Variants in JPH3 observed in about 807,000 individuals in gnomAD.
JPH3 encodes the protein junctophilin-3.
JPH3 carries 11 observed loss-of-function variants against 59.6 expected under a neutral mutation model. The ratio of observed to expected loss-of-function variants is 0.18; its 90% CI spans 0.12 to 0.31. The LOEUF (loss-of-function observed/expected upper bound fraction) is 0.31, where lower values mean the gene tolerates loss of function less well. JPH3 is among the 10% of genes least tolerant of loss of function. The probability of loss-of-function intolerance (pLI) is 1.00; values close to 1 mark genes in which losing one functional copy is unlikely to be tolerated. For synonymous variants in JPH3, 673 were observed against 483.6 expected (o/e 1.39, Z -5.14); for missense variants, 1,202 against 1,105.7 (o/e 1.09, Z -1.24).
At chr16:87,660,534 G>A (rs1422419889) in intron 2 of JPH3, among the ~76,000 whole-genome samples, 1 of 152,166 alleles carries the variant, frequency 6.6e-6, no homozygotes, top group Non-Finnish European at 1.5e-5. Context: ...TCATGCTTCT[G>A]TCCTGGGATA....
chr16:87,659,807 C>G (rs1186246620), intron 2 of JPH3, among the ~76,000 whole-genome samples: 1 of 152,140 alleles, frequency 6.6e-6, no homozygotes, highest in Non-Finnish European at 1.5e-5. Context: ...GCAACCATGA[C>G]CACCATCTAT....
rs1272896720 is a variant in JPH3, at chr16:87,690,230, C to T, written c.1870C>T (p.His624Tyr). Reference protein sequence around the residue: ...EMKPLLRMETHPQKRRYSKGG... With the variant: ...EMKPLLRMETYPQKRRYSKGG... ...GAAACCCTTGCTGAGGATGGAGACG[C>T]ATCCCCAGAAAAGACGCTACAGCAA... The change falls in exon 4 of 5, where the codon CAT (histidine) becomes TAT (tyrosine). Residue 624 changes from histidine (H) to tyrosine (Y), a missense_variant. Physicochemically the swap from His to Tyr is moderately conservative, Grantham distance 83 (BLOSUM62 2). Transcript: ENST00000284262. The T allele has an allele frequency of 5.0e-6, 8 of 1,604,866 alleles. No homozygotes were observed. The highest frequency in any genetic ancestry group is 1.3e-5 in the African/African-American group (1 of 74,840).
At chr16:87,635,294 C>G (rs541467192) in intron 1 of JPH3, among the ~76,000 whole-genome samples, 1 of 152,166 alleles carries the variant, frequency 6.6e-6, no homozygotes, top group African/African-American at 2.4e-5. Context: ...GTGAGGGCTG[C>G]GCTCTCTCCA....
intron 1 of JPH3, chr16:87,604,994 C>G: frequency 4.6e-6 from 2 of 431,248 alleles, no homozygotes; most frequent in Non-Finnish European, 9.4e-6. Context: ...TGTGTGTGTG[C>G]GCGCGCGTGC....
chr16:87,661,210 C>T (rs2150859276), intron 2 of JPH3, among the ~76,000 whole-genome samples: 1 of 152,314 alleles, frequency 6.6e-6, no homozygotes, highest in East Asian at 1.9e-4. Context: ...CGACCTCCTG[C>T]CTCCCTCTTA....
intron 1 of JPH3, among the ~76,000 whole-genome samples, chr16:87,621,685 C>G (rs2031191938): frequency 1.3e-5 from 2 of 152,220 alleles, no homozygotes; most frequent in Non-Finnish European, 2.9e-5. Context: ...TTATTCCTCC[C>G]TGCAATGAGG....
intron 2 of JPH3, among the ~76,000 whole-genome samples, chr16:87,647,221 C>G (rs948066129): frequency 1.4e-5 from 2 of 140,890 alleles, no homozygotes; most frequent in Non-Finnish European, 3.1e-5. Flanking sequence ...GGGGCTGGGC[C>G]GGGAGGGCGA....
intron 1 of JPH3, among the ~76,000 whole-genome samples, chr16:87,616,185 TG>T (rs2030949489): frequency 6.9e-6 from 1 of 144,932 alleles, no homozygotes; most frequent in South Asian, 2.2e-4. Context: ...CAACGCAATC[TG>T]GTTTTGTGTG....
intron 3 of JPH3, chr16:87,684,481 G>C (rs1428886289): frequency 3.0e-6 from 2 of 664,918 alleles, no homozygotes; most frequent in Non-Finnish European, 5.0e-6. Context: ...TGTCTTGGCA[G>C]GTCTCTCCCA....
chr16:87,690,095 C>T lies in JPH3; in HGVS notation c.1735C>T (p.Pro579Ser), dbSNP rs1333803261. 1.2e-5 allele frequency: 19 copies of T among 1,572,094 alleles called. No homozygotes were observed. The highest frequency in any genetic ancestry group is 1.6e-5 in the Non-Finnish European group (19 of 1,159,416). The change falls in exon 4 of 5, where the codon CCC becomes TCC. Residue 579 changes from proline to serine, a missense_variant. Coordinates refer to ENST00000284262, the MANE Select transcript of JPH3 (RefSeq NM_020655.4). ...GCCGCGGGAGCGGCGGACGGAGTCACCCCCCGTGTTCACGTGGACTTCCCA... is the reference window on the plus strand; with the variant it reads ...GCCGCGGGAGCGGCGGACGGAGTCATCCCCCGTGTTCACGTGGACTTCCCA... Reference protein sequence around the residue: ...PKPRERRTESPPVFTWTSHHR... With the variant: ...PKPRERRTESSPVFTWTSHHR...
chr16:87,671,523 G>A (rs2150866727), intron 2 of JPH3, among the ~76,000 whole-genome samples: 1 of 152,334 alleles, frequency 6.6e-6, no homozygotes, highest in Admixed American at 6.5e-5. Context: ...TGGCTGGGAA[G>A]AGAGGTGACC....
intron 1 of JPH3, among the ~76,000 whole-genome samples, chr16:87,639,281 A>G (rs2150841265): frequency 6.6e-6 from 1 of 151,998 alleles, no homozygotes; most frequent in East Asian, 2.0e-4. Context: ...TTGTAGATTG[A>G]GAAAGTGTTG....
intron 2 of JPH3, among the ~76,000 whole-genome samples, chr16:87,667,060 G>C (rs531963314): frequency 6.6e-6 from 1 of 152,330 alleles, no homozygotes; most frequent in East Asian, 1.9e-4. Context: ...TGGCAGGGCC[G>C]TGCCCCCTCT....
chr16:87,689,617 G>C lies in JPH3; in HGVS notation c.1286-29G>C, dbSNP rs779152116. On this transcript the variant is annotated intron_variant, in intron 3 of 4. Transcript: ENST00000284262. ...GCTGTGGAATGTGCTGGGTAACGCCGTCTGGCGTCGTCTTGTGTCCCCATA... is the reference window on the plus strand; with the variant it reads ...GCTGTGGAATGTGCTGGGTAACGCCCTCTGGCGTCGTCTTGTGTCCCCATA... 8 of 1,605,266 alleles carry C rather than the reference G, an allele frequency of 5.0e-6. 1 individual carries two copies. In the East Asian group the frequency reaches 1.4e-4, roughly 27 times the overall value.
chr16:87,682,379 C>T (rs1335467800), intron 2 of JPH3, among the ~76,000 whole-genome samples: 2 of 152,080 alleles, frequency 1.3e-5, no homozygotes, highest in African/African-American at 2.4e-5. Context: ...AAGGTGTTTG[C>T]GCCCCCTAGG....
chr16:87,668,182 G>T (rs2032923067), intron 2 of JPH3, among the ~76,000 whole-genome samples: 2 of 152,316 alleles, frequency 1.3e-5, no homozygotes, highest in South Asian at 4.1e-4. Context: ...AGCCGCTCCG[G>T]GTCCTCTGGG....
rs1435467226 is a variant in JPH3 at position 87,697,635 on chromosome 16, A to C, written c.*975A>C. On this transcript the variant is annotated 3_prime_UTR_variant, in exon 5 of 5. Coordinates refer to ENST00000284262, the MANE Select transcript of JPH3 (RefSeq NM_020655.4). Reference sequence around the variant, plus strand: ...ACATCTCTGTACTGTGCCTGCCTCAACTTCCCCTAACAGATATGCATATTC... The same window carrying C: ...ACATCTCTGTACTGTGCCTGCCTCACCTTCCCCTAACAGATATGCATATTC... The C allele has an allele frequency of 1.3e-5, 2 of 152,198 alleles. No individual in the cohort carries two copies. The highest frequency in any genetic ancestry group is 2.9e-5 in the Non-Finnish European group (2 of 68,048). 9.4% of individuals were successfully genotyped at this position (152,198 alleles called of 1,614,324 possible).
chr16:87,620,748 G>C (rs1191817029), intron 1 of JPH3, among the ~76,000 whole-genome samples: 1 of 152,244 alleles, frequency 6.6e-6, no homozygotes, highest in Admixed American at 6.5e-5. Flanking sequence ...CAGAGATGCG[G>C]CAAATTTCCC....
chr16:87,676,115 T>A (rs1414466414), intron 2 of JPH3, among the ~76,000 whole-genome samples: 3 of 152,216 alleles, frequency 2.0e-5, no homozygotes, highest in Non-Finnish European at 4.4e-5. Flanking sequence ...AACCAGTGAA[T>A]TATACTCTCA....
Sources: gnomAD v4.1 joint callset for allele counts (sites outside exome capture counted in the v4.1 genomes callset) on GRCh38, gnomAD v4.1.1 for gene constraint, MANE v1.5 for transcripts, NCBI Gene and HGNC (gene_info 2026-07-23, HGNC 2026-07-21) for gene names.